Variants in ADARB2 observed in about 807,000 individuals in gnomAD.
ADARB2 encodes the protein adenosine deaminase RNA specific B2 (inactive), also known as inactive double-stranded RNA-specific editase B2.
In ADARB2, 25 loss-of-function variants were observed where a neutral mutation model predicts 62.2. The ratio of observed to expected loss-of-function variants is 0.40; its 90% CI spans 0.29 to 0.56. The LOEUF (loss-of-function observed/expected upper bound fraction) is 0.56. Among genes scored for constraint, ADARB2 ranks in the 20% least tolerant of loss-of-function variants. ADARB2 has a pLI of 0.43. For missense variants in ADARB2, 1,071 were observed against 1,077.4 expected, an observed-to-expected ratio of 0.99 and a Z score of 0.08; for synonymous variants, 572 against 500.8, an observed-to-expected ratio of 1.14 and a Z score of -1.90.
At chr10:1,565,903 C>T (rs1159959287) in intron 1 of ADARB2, among the ~76,000 whole-genome samples, 1 of 152,086 alleles carries the variant, frequency 6.6e-6, no homozygotes, top group Non-Finnish European at 1.5e-5. Flanking sequence ...TGTAACTCTG[C>T]ACCCCACCCT....
At chr10:1,299,164 G>A (rs1831551115) in intron 3 of ADARB2, among the ~76,000 whole-genome samples, 3 of 152,066 alleles carry the variant, frequency 2.0e-5, no homozygotes. Context: ...TAAGTGACTA[G>A]GAGACCAGAT....
At chr10:1,555,177 G>A (rs1298484969) in intron 1 of ADARB2, among the ~76,000 whole-genome samples, 8 of 152,150 alleles carry the variant, frequency 5.3e-5, no homozygotes, top group Admixed American at 3.9e-4. Flanking sequence ...GAATGAACAC[G>A]GGACTGCATG....
chr10:1,445,468 C>T (rs1830959194), intron 1 of ADARB2, among the ~76,000 whole-genome samples: 1 of 151,614 alleles, frequency 6.6e-6, no homozygotes, highest in African/African-American at 2.4e-5. Context: ...CATCCACCCA[C>T]CCATCCATTC....
chr10:1,505,747 C>T (rs1340356032), intron 1 of ADARB2, among the ~76,000 whole-genome samples: 2 of 150,668 alleles, frequency 1.3e-5, no homozygotes, highest in Non-Finnish European at 3.0e-5. Flanking sequence ...CCCGTCCCCA[C>T]CATGGCAGCC....
At chr10:1,213,874 G>A (rs201202668) in intron 7 of ADARB2, among the ~76,000 whole-genome samples, 4 of 151,920 alleles carry the variant, frequency 2.6e-5, no homozygotes, top group Middle Eastern at 3.4e-3. Flanking sequence ...CCAGCATCTC[G>A]TGGGTTTGCA....
At chr10:1,576,089 A>AGAGTCACAGGAGG (rs1833013595) in intron 1 of ADARB2, among the ~76,000 whole-genome samples, 1 of 50,748 alleles carries the variant, frequency 2.0e-5, no homozygotes, top group African/African-American at 7.9e-5. Flanking sequence ...GAGGGGGCTC[A>AGAGTCACAGGAGG]GGGCCACGGG....
At chr10:1,199,629 G>GCAGGTGGGCGGC (rs1408905803) in intron 8 of ADARB2, 6 of 131,494 alleles carry the variant, frequency 4.6e-5, no homozygotes, top group Non-Finnish European at 7.5e-5. Flanking sequence ...GGCCAGGTGG[G>GCAGGTGGGCGGC]CAGGTGGGCA....
At position 1,182,711 on chromosome 10, in the gene ADARB2, A is replaced by G. The variant is rs1221753365; in HGVS notation, c.*482T>C. ...ATAGTGAAAATAATAGAGGATTCTT[A>G]TTGGTTTCTCTGGGGCTGGGGTGGG... On this transcript the variant is annotated 3_prime_UTR_variant, in exon 10 of 10. Coordinates refer to ENST00000381312, the MANE Select transcript of ADARB2 (RefSeq NM_018702.4). 6.5e-6 allele frequency: 1 copy of G among 154,660 alleles called. No individual in the cohort carries two copies. The highest frequency in any genetic ancestry group is 1.9e-4 in the East Asian group (1 of 5,234). 9.6% of individuals were successfully genotyped at this position (154,660 alleles called of 1,614,324 possible).
chr10:1,488,626 A>G (rs923119749), intron 1 of ADARB2, among the ~76,000 whole-genome samples: 2 of 152,184 alleles, frequency 1.3e-5, no homozygotes, highest in Non-Finnish European at 2.9e-5. Context: ...GAAATAGCCT[A>G]ACACTGGGGA....
intron 4 of ADARB2, among the ~76,000 whole-genome samples, chr10:1,250,354 T>G (rs1481813804): frequency 2.0e-5 from 3 of 152,034 alleles, no homozygotes; most frequent in Non-Finnish European, 4.4e-5. Context: ...ATGGGGTGGA[T>G]TCCTTATGAA....
intron 3 of ADARB2, among the ~76,000 whole-genome samples, chr10:1,326,776 C>CCTCCCCACGGCCCAGCG (rs1564257738): frequency 1.4e-5 from 1 of 73,960 alleles, no homozygotes; most frequent in African/African-American, 4.2e-5. Flanking sequence ...GTAGCACAGC[C>CCTCCCCACGGCCCAGCG]CCTCCTCACT....
rs367623485 is a variant in ADARB2 at position 1,620,818 on chromosome 10, C to A, written c.100+116233G>T. On this transcript the variant is annotated intron_variant, in intron 1 of 9. Transcript: ENST00000381312. Reference sequence around the variant, plus strand: ...AAAAGTTGGCCTAAAATGTAAAAATCACCTAGTGTAATATACTATATTAAT... The same window carrying A: ...AAAAGTTGGCCTAAAATGTAAAAATAACCTAGTGTAATATACTATATTAAT... Among the ~76,000 whole-genome samples the A allele has an allele frequency of 6.6e-5, 10 of 152,300 alleles. 1 individual carries two copies. The East Asian group carries it at 1.4e-3, about 21-fold the overall frequency.
At chr10:1,653,023 C>T (rs992543608) in intron 1 of ADARB2, among the ~76,000 whole-genome samples, 5 of 152,208 alleles carry the variant, frequency 3.3e-5, no homozygotes, top group African/African-American at 1.2e-4. Context: ...CTGATGACAA[C>T]CATCTCAGGC....
chr10:1,667,161 G>T (rs1241370421), intron 1 of ADARB2, among the ~76,000 whole-genome samples: 1 of 152,212 alleles, frequency 6.6e-6, no homozygotes, highest in Non-Finnish European at 1.5e-5. Flanking sequence ...TTATGATCTT[G>T]CTCATGAAAA....
At chr10:1,352,988 G>A (rs971318093) in intron 3 of ADARB2, among the ~76,000 whole-genome samples, 6 of 152,138 alleles carry the variant, frequency 3.9e-5, no homozygotes, top group Non-Finnish European at 5.9e-5. Flanking sequence ...TATAGTACAA[G>A]CCACCAGCCC....
chr10:1,518,799 T>C (rs568313112), intron 1 of ADARB2, among the ~76,000 whole-genome samples: 4 of 152,236 alleles, frequency 2.6e-5, no homozygotes, highest in African/African-American at 9.6e-5. Context: ...ATATTCCATG[T>C]AATGTCTGCA....
intron 1 of ADARB2, among the ~76,000 whole-genome samples, chr10:1,670,238 T>C (rs975112315): frequency 6.6e-5 from 10 of 152,236 alleles, no homozygotes; most frequent in Admixed American, 5.9e-4. Flanking sequence ...GTTTGTGTCA[T>C]AGTAAGTTAA....
At chr10:1,639,925 A>G (rs979842330) in intron 1 of ADARB2, among the ~76,000 whole-genome samples, 1 of 152,172 alleles carries the variant, frequency 6.6e-6, no homozygotes, top group African/African-American at 2.4e-5. Context: ...GCCAAGCCGC[A>G]AAGCCATGAC....
At chr10:1,346,211 C>T (rs1466054586) in intron 3 of ADARB2, among the ~76,000 whole-genome samples, 1 of 152,202 alleles carries the variant, frequency 6.6e-6, no homozygotes, top group Non-Finnish European at 1.5e-5. Flanking sequence ...TTGTTACAAA[C>T]TCTCATTCCA....
Sources: gnomAD v4.1 joint callset for allele counts (sites outside exome capture counted in the v4.1 genomes callset) on GRCh38, gnomAD v4.1.1 for gene constraint, MANE v1.5 for transcripts, NCBI Gene and HGNC (gene_info 2026-07-23, HGNC 2026-07-21) for gene names.